The following PCSK2 variants were observed in gnomAD, a reference collection of about 807,000 sequenced individuals.
PCSK2 encodes the protein neuroendocrine convertase 2.
PCSK2 carries 14 observed loss-of-function variants against 69.7 expected under a neutral mutation model. That is an observed-to-expected ratio of 0.20 (90% CI 0.13 to 0.31). The LOEUF is 0.31. PCSK2 is among the 10% of genes least tolerant of loss of function. The probability of loss-of-function intolerance (pLI) is 1.00; values close to 1 mark genes in which losing one functional copy is unlikely to be tolerated. For synonymous variants in PCSK2, 307 were observed against 320.7 expected, an observed-to-expected ratio of 0.96 and a Z score of 0.46; for missense variants, 544 against 842.5, an observed-to-expected ratio of 0.65 and a Z score of 4.39.
intron 2 of PCSK2, among the ~76,000 whole-genome samples, chr20:17,300,668 A>T (rs1212572941): frequency 6.6e-6 from 1 of 152,224 alleles, no homozygotes; most frequent in Non-Finnish European, 1.5e-5. Context: ...TTATAGTGAG[A>T]ATATTTTTAT....
chr20:17,430,622 C>T (rs1296098235), intron 7 of PCSK2, among the ~76,000 whole-genome samples: 1 of 152,116 alleles, frequency 6.6e-6, no homozygotes, highest in Non-Finnish European at 1.5e-5. Context: ...GAGGCTTAGC[C>T]CCTGGGTTTC....
chr20:17,279,964 G>A (rs1402499456), intron 2 of PCSK2, among the ~76,000 whole-genome samples: 2 of 147,508 alleles, frequency 1.4e-5, no homozygotes, highest in Non-Finnish European at 3.0e-5. Context: ...GCATTTTTAT[G>A]CTAAACATCC....
At chr20:17,378,208 A>G (rs1190802163) in intron 5 of PCSK2, among the ~76,000 whole-genome samples, 1 of 152,220 alleles carries the variant, frequency 6.6e-6, no homozygotes, top group East Asian at 1.9e-4. Context: ...AATTAGAGAA[A>G]GAAAGATACT....
chr20:17,457,276 G>T (rs1289865525), intron 10 of PCSK2, among the ~76,000 whole-genome samples: 1 of 152,210 alleles, frequency 6.6e-6, no homozygotes, highest in Non-Finnish European at 1.5e-5. Flanking sequence ...TCAGTCTCTT[G>T]GGGAAGGAGA....
intron 2 of PCSK2, among the ~76,000 whole-genome samples, chr20:17,325,826 G>A (rs1469237275): frequency 6.6e-6 from 1 of 152,002 alleles, no homozygotes; most frequent in Non-Finnish European, 1.5e-5. Flanking sequence ...GCCCAGGCAT[G>A]TTCTTTTCAA....
At chr20:17,415,226 GA>G (rs1330851202) in intron 6 of PCSK2, among the ~76,000 whole-genome samples, 3 of 152,098 alleles carry the variant, frequency 2.0e-5, no homozygotes, top group Non-Finnish European at 4.4e-5. Context: ...ATTCAAATAG[GA>G]AAAAAGGAAG....
intron 2 of PCSK2, among the ~76,000 whole-genome samples, chr20:17,341,168 A>G (rs1019752988): frequency 6.6e-6 from 1 of 152,258 alleles, no homozygotes; most frequent in African/African-American, 2.4e-5. Flanking sequence ...TGAACCCAGG[A>G]GACAGAGGTT....
intron 2 of PCSK2, among the ~76,000 whole-genome samples, chr20:17,267,975 G>T (rs934865325): frequency 6.8e-6 from 1 of 147,088 alleles, no homozygotes; most frequent in Non-Finnish European, 1.5e-5. Flanking sequence ...TGCCTCACCT[G>T]ATTCCCTCCC....
chr20:17,350,460 C>A (rs993132651), intron 2 of PCSK2, among the ~76,000 whole-genome samples: 1 of 151,994 alleles, frequency 6.6e-6, no homozygotes, highest in Non-Finnish European at 1.5e-5. Context: ...CTCCTGGCCC[C>A]TCCCACCCCA....
chr20:17,269,014 T>A (rs1366878591), intron 2 of PCSK2, among the ~76,000 whole-genome samples: 1 of 152,166 alleles, frequency 6.6e-6, no homozygotes, highest in Non-Finnish European at 1.5e-5. Context: ...TACTATAGAA[T>A]GAAATGGCAC....
intron 2 of PCSK2, among the ~76,000 whole-genome samples, chr20:17,347,820 GAAAGAAAGAAAGAAAGAAAGAAAGAAAGA>G (rs1568611991): frequency 3.1e-5 from 4 of 127,360 alleles, no homozygotes; most frequent in African/African-American, 9.0e-5. Context: ...AAGAAAGAAA[GAAAGAAAGAAAGAAAGAAAGAAAGAAAGA>G]AAGAAAGAAA....
chr20:17,348,562 A>T (rs1171907011), intron 2 of PCSK2, among the ~76,000 whole-genome samples: 1 of 152,108 alleles, frequency 6.6e-6, no homozygotes, highest in Non-Finnish European at 1.5e-5. Flanking sequence ...GTGTCGTGTC[A>T]GTTTGCGAAG....
At chr20:17,359,170 G>T (rs1346087740) in intron 3 of PCSK2, among the ~76,000 whole-genome samples, 1 of 152,202 alleles carries the variant, frequency 6.6e-6, no homozygotes, top group African/African-American at 2.4e-5. Context: ...AGATTAAAAA[G>T]TGATGAACAA....
chr20:17,285,440 A>G (rs1449894645), intron 2 of PCSK2, among the ~76,000 whole-genome samples: 21 of 152,224 alleles, frequency 1.4e-4, no homozygotes, highest in Admixed American at 1.4e-3. Flanking sequence ...AAGGCTGGAT[A>G]ATGTCATAGT....
rs1256643984 is a variant in PCSK2 at position 17,237,198 on chromosome 20, TG to T, written c.177+9718del. 5.9e-5 allele frequency among the ~76,000 whole-genome samples: 9 copies of T among 152,220 alleles called. No individual in the cohort carries two copies. The East Asian group carries it at 1.7e-3, about 29-fold the overall frequency. ...GAGATGAAAGGGAGAGAGCTATGGTTGGTGAGTGGGATATTGAAGCTCAAGG... is the reference window on the plus strand; with the variant it reads ...GAGATGAAAGGGAGAGAGCTATGGTTGTGAGTGGGATATTGAAGCTCAAGG... On this transcript the variant is annotated intron_variant, in intron 1 of 11. Transcript: ENST00000262545.
chr20:17,379,342 T>A (rs1231432049), intron 5 of PCSK2, among the ~76,000 whole-genome samples: 1 of 152,272 alleles, frequency 6.6e-6, no homozygotes, highest in Non-Finnish European at 1.5e-5. Context: ...TGGGCAAATG[T>A]GGATCTGATG....
At chr20:17,394,310 AG>A (rs2031457672) in intron 5 of PCSK2, among the ~76,000 whole-genome samples, 1 of 152,166 alleles carries the variant, frequency 6.6e-6, no homozygotes. Context: ...ATTTGTTGAG[AG>A]TCTATTATGT....
intron 4 of PCSK2, among the ~76,000 whole-genome samples, chr20:17,362,959 G>T (rs1180889127): frequency 6.6e-6 from 1 of 152,200 alleles, no homozygotes; most frequent in East Asian, 1.9e-4. Flanking sequence ...AGCTAGAACC[G>T]GGAAGGCTGG....
chr20:17,348,050 GGAAA>G (rs200387593), intron 2 of PCSK2, among the ~76,000 whole-genome samples: 10,884 of 86,394 alleles, frequency 0.13, 645 homozygotes, highest in Middle Eastern at 0.14. Flanking sequence ...AAGAAAGAAA[GGAAA>G]GAAAGAAAGA....
Sources: gnomAD v4.1 joint callset for allele counts (sites outside exome capture counted in the v4.1 genomes callset) on GRCh38, gnomAD v4.1.1 for gene constraint, MANE v1.5 for transcripts, NCBI Gene and HGNC (gene_info 2026-07-23, HGNC 2026-07-21) for gene names.